Variants in HIVEP3 observed in about 807,000 individuals in gnomAD.
HIVEP3 encodes the protein HIVEP zinc finger 3, also known as transcription factor HIVEP3.
Under a neutral mutation model 152.8 loss-of-function variants are expected in HIVEP3, and 49 were observed. The observed-to-expected ratio is 0.32, with a 90% CI of 0.26 to 0.41. HIVEP3 has a LOEUF of 0.41. Among genes scored for constraint, HIVEP3 ranks in the 10% least tolerant of loss-of-function variants. The pLI is 1.00. For missense variants in HIVEP3, 2,790 were observed against 3,103.3 expected (o/e 0.90, Z 2.40); for synonymous variants, 1,269 against 1,289.0 (o/e 0.98, Z 0.33).
chr1:41,513,704 T>C lies in HIVEP3; in HGVS notation c.5517A>G (p.Ser1839=). The stretch of plus-strand genomic sequence containing the variant: ...AAAACTGGTGCTCCTCCACAGCCTC[T>C]GAACCCTCTCGTCCTTCCGAGTCCT... The part of the protein sequence containing the change: ...LFQDSEGREG[S]EAVEEHQFSD... The change falls in exon 8 of 9, where the codon TCA becomes TCG. Residue 1839 remains serine (S), a synonymous_variant. Coordinates refer to ENST00000372583, the MANE Select transcript of HIVEP3 (RefSeq NM_024503.5). The C allele has an allele frequency of 6.2e-7, 1 of 1,605,140 alleles. No individual in the cohort carries two copies.
chr1:41,656,808 G>A (rs1645635558), intron 2 of HIVEP3, among the ~76,000 whole-genome samples: 2 of 152,184 alleles, frequency 1.3e-5, no homozygotes, highest in Non-Finnish European at 1.5e-5. Context: ...TGAGAAAAGG[G>A]CAGGACCAGC....
intron 1 of HIVEP3, among the ~76,000 whole-genome samples, chr1:41,947,817 G>A (rs1645083559): frequency 2.0e-5 from 3 of 152,258 alleles, no homozygotes; most frequent in Admixed American, 6.5e-5. Context: ...AGTGATGGCA[G>A]TAGCAGTCTT....
chr1:41,953,650 A>C (rs1301318321), intron 1 of HIVEP3, among the ~76,000 whole-genome samples: 1 of 152,222 alleles, frequency 6.6e-6, no homozygotes, highest in Non-Finnish European at 1.5e-5. Flanking sequence ...ATGAATGAGT[A>C]CATGAATGAA....
chr1:41,694,427 C>T (rs961042842), intron 2 of HIVEP3, among the ~76,000 whole-genome samples: 4 of 152,110 alleles, frequency 2.6e-5, no homozygotes, highest in South Asian at 2.1e-4. Context: ...GGCAGGTTGT[C>T]GGGGCTCTGG....
chr1:41,640,924 C>T (rs1017045295), intron 2 of HIVEP3, among the ~76,000 whole-genome samples: 11 of 152,224 alleles, frequency 7.2e-5, no homozygotes, highest in African/African-American at 2.7e-4. Context: ...GTCTTAGACA[C>T]TGTGTGGCCT....
At chr1:41,754,352 C>T (rs1453363264) in intron 1 of HIVEP3, among the ~76,000 whole-genome samples, 2 of 152,142 alleles carry the variant, frequency 1.3e-5, no homozygotes, top group African/African-American at 4.8e-5. Context: ...GACAAGAGCA[C>T]AGGAGACAAG....
At chr1:41,993,799 A>C (rs1490710724) in intron 1 of HIVEP3, among the ~76,000 whole-genome samples, 1 of 151,712 alleles carries the variant, frequency 6.6e-6, no homozygotes, top group Non-Finnish European at 1.5e-5. Flanking sequence ...GCACATATAC[A>C]CCATGGAATA....
intron 6 of HIVEP3, among the ~76,000 whole-genome samples, chr1:41,518,782 A>G (rs1642678830): frequency 6.6e-6 from 1 of 152,144 alleles, no homozygotes; most frequent in Non-Finnish European, 1.5e-5. Flanking sequence ...AAAAACAAAC[A>G]AAAAAGAAAT....
At chr1:41,932,867 G>A (rs1160322711) in intron 1 of HIVEP3, among the ~76,000 whole-genome samples, 1 of 151,706 alleles carries the variant, frequency 6.6e-6, no homozygotes, top group East Asian at 1.9e-4. Flanking sequence ...ATTGTGATAT[G>A]TTGTAGTTCT....
In HIVEP3 at chr1:41,583,942, C is replaced by T; in HGVS notation, c.856G>A (p.Glu286Lys). 6.2e-7 allele frequency: 1 copy of T among 1,614,174 alleles called. No individual in the cohort carries two copies. Among genetic ancestry groups the T allele is most frequent in the Non-Finnish European group, 8.5e-7 (1 of 1,180,022 alleles). The change falls in exon 4 of 9, where the codon GAG becomes AAG. Residue 286 changes from glutamate (E) to lysine (K), a missense_variant. Around this residue, in one of 9 missense-constraint regions of HIVEP3, gnomAD observed 125 missense variants for 130.1 expected, o/e 0.96. Transcript: ENST00000372583. The surrounding 1 kb of genome is among the most constrained non-coding windows in gnomAD (Gnocchi z 6.9). Reference protein sequence around the residue: ...PTEGESTDSEEETSATSGHPA... With the variant: ...PTEGESTDSEKETSATSGHPA... ...TGACCAGAGGTGGCACTAGTCTCCT[C>T]TTCAGAATCTGTGCTTTCTCCCTCA... is the stretch of plus-strand genomic sequence containing the variant.
At chr1:41,900,598 C>T (rs868427717) in intron 1 of HIVEP3, among the ~76,000 whole-genome samples, 1 of 152,148 alleles carries the variant, frequency 6.6e-6, no homozygotes, top group Non-Finnish European at 1.5e-5. Flanking sequence ...TGTGCTCCCA[C>T]CTAGATCTCT....
intron 3 of HIVEP3, among the ~76,000 whole-genome samples, chr1:41,621,028 C>A (rs1048601403): frequency 2.6e-5 from 4 of 152,212 alleles, no homozygotes; most frequent in Non-Finnish European, 4.4e-5. Context: ...TGACCCTGGG[C>A]AAGTCACTTG....
rs552680630 is a variant in HIVEP3, at chr1:42,033,377, C to T, written n.119+2430G>A. On this transcript the variant is annotated intron_variant and non_coding_transcript_variant, in intron 1 of 3. Coordinates refer to the HIVEP3 transcript ENST00000489103. ...CTTGGTGCAACAAAATAAAACAACA[C>T]TGAAGTATTAACATGAAGTCCTCAA... is the stretch of plus-strand genomic sequence containing the variant. Among the ~76,000 whole-genome samples the T allele has an allele frequency of 1.9e-4, 29 of 152,206 alleles. No homozygotes were observed. The South Asian group carries it at 5.8e-3, about 30-fold the overall frequency.
intron 2 of HIVEP3, among the ~76,000 whole-genome samples, chr1:41,645,368 A>G (rs1291736621): frequency 6.6e-6 from 1 of 152,184 alleles, no homozygotes; most frequent in African/African-American, 2.4e-5. Flanking sequence ...TAGGGTTGCA[A>G]TTCTAGGCCC....
chr1:41,641,359 A>C (rs1167023461), intron 2 of HIVEP3, among the ~76,000 whole-genome samples: 1 of 152,182 alleles, frequency 6.6e-6, no homozygotes, highest in Non-Finnish European at 1.5e-5. Flanking sequence ...TAAGAGGGGA[A>C]GCCTGGTGAC....
At chr1:41,594,415 G>C (rs143880673) in intron 3 of HIVEP3, among the ~76,000 whole-genome samples, 4,296 of 152,026 alleles carry the variant, frequency 0.028, 198 homozygotes, top group African/African-American at 0.099. Flanking sequence ...TAGAGATGGG[G>C]TTTCACCATG....
At chr1:41,570,374 C>A (rs1477953015) in intron 5 of HIVEP3, among the ~76,000 whole-genome samples, 3 of 152,150 alleles carry the variant, frequency 2.0e-5, no homozygotes, top group Non-Finnish European at 4.4e-5. Context: ...ATCATGGGGG[C>A]AGTTTCCCCT....
intron 1 of HIVEP3, among the ~76,000 whole-genome samples, chr1:41,812,637 T>C (rs1212046970): frequency 6.6e-6 from 1 of 151,988 alleles, no homozygotes; most frequent in African/African-American, 2.4e-5. Context: ...TAGTGACGCA[T>C]TTATCCTGGG....
intron 5 of HIVEP3, among the ~76,000 whole-genome samples, chr1:41,567,696 C>T (rs1314448620): frequency 1.3e-5 from 2 of 152,188 alleles, no homozygotes; most frequent in Non-Finnish European, 2.9e-5. Context: ...AGAGAAGGCC[C>T]TGGCCTGGGA....
Sources: gnomAD v4.1 joint callset for allele counts (sites outside exome capture counted in the v4.1 genomes callset) on GRCh38, gnomAD v4.1.1 for gene constraint, gnomAD v4.1.1 regional missense constraint, Gnocchi (gnomAD v3.1) non-coding constraint, MANE v1.5 for transcripts, NCBI Gene and HGNC (gene_info 2026-07-23, HGNC 2026-07-21) for gene names.